BBS4: variants seen among roughly 807,000 people sequenced by gnomAD.
The protein encoded by BBS4 is BBSome complex member BBS4.
BBS4 carries 58 observed loss-of-function variants against 71.4 expected under a neutral mutation model. The ratio of observed to expected loss-of-function variants is 0.81; its 90% CI spans 0.66 to 1.01. The LOEUF (loss-of-function observed/expected upper bound fraction) is 1.01, where lower values mean the gene tolerates loss of function less well. Ranked by LOEUF, BBS4 falls within the 50% of genes least tolerant of loss-of-function variation. The pLI, the probability that BBS4 is intolerant of heterozygous loss-of-function variation, is 0.00. For synonymous variants in BBS4, 228 were observed against 216.8 expected, an observed-to-expected ratio of 1.05 and a Z score of -0.46; for missense variants, 660 against 607.9, an observed-to-expected ratio of 1.09 and a Z score of -0.90.
intron 2 of BBS4, among the ~76,000 whole-genome samples, chr15:72,700,818 G>A (rs2065156849): frequency 6.6e-6 from 1 of 151,914 alleles, no homozygotes; most frequent in Admixed American, 6.6e-5. Flanking sequence ...TGTTATTAAT[G>A]CCTTCTCTGT....
intron 2 of BBS4, among the ~76,000 whole-genome samples, chr15:72,707,990 C>T (rs1364459095): frequency 6.1e-5 from 9 of 147,336 alleles, no homozygotes; most frequent in African/African-American, 1.5e-4. Flanking sequence ...TTTTTTGAGA[C>T]GGAGTCTCAC....
At chr15:72,732,231 G>A (rs1217738954) in intron 12 of BBS4, among the ~76,000 whole-genome samples, 2 of 152,076 alleles carry the variant, frequency 1.3e-5, no homozygotes, top group African/African-American at 4.8e-5. Context: ...CAATATTGTT[G>A]TTACTATAAT....
At chr15:72,713,489 TCTGGAATACCTC>T (rs1251662817) in intron 4 of BBS4, among the ~76,000 whole-genome samples, 2 of 152,208 alleles carry the variant, frequency 1.3e-5, no homozygotes, top group East Asian at 3.8e-4. Context: ...AGGAATACCT[TCTGGAATACCTC>T]CTGAAGGATC....
chr15:72,702,193 G>A (rs915243195), intron 2 of BBS4, among the ~76,000 whole-genome samples: 1 of 152,148 alleles, frequency 6.6e-6, no homozygotes, highest in African/African-American at 2.4e-5. Context: ...CTAATTGACA[G>A]CCCAAACATT....
At chr15:72,721,501 CTTAAG>C (rs1174898435) in intron 6 of BBS4, among the ~76,000 whole-genome samples, 2 of 152,144 alleles carry the variant, frequency 1.3e-5, no homozygotes, top group African/African-American at 4.8e-5. Context: ...TACTCTCTGT[CTTAAG>C]TTAGGTAATC....
chr15:72,734,729 T>C (rs760824285), intron 12 of BBS4, among the ~76,000 whole-genome samples: 7 of 152,070 alleles, frequency 4.6e-5, no homozygotes, highest in Non-Finnish European at 8.8e-5. Flanking sequence ...ATCATGGTTA[T>C]AGATGTGGGG....
At chr15:72,737,358 T>C (rs2065946195) in intron 15 of BBS4, 120 bp from the exon 16 acceptor site, 1 of 829,300 alleles carries the variant, frequency 1.2e-6, no homozygotes. Context: ...TTATAGTTAA[T>C]GGGTCAGTCC....
At chr15:72,688,044 C>T (rs1307866617) in intron 1 of BBS4, among the ~76,000 whole-genome samples, 1 of 124,768 alleles carries the variant, frequency 8.0e-6, no homozygotes, top group African/African-American at 3.0e-5. Flanking sequence ...AAGACTCCGT[C>T]TCAAAAAAAA....
At position 72,729,969 on chromosome 15, in the gene BBS4, A is replaced by G. The variant is rs567106633; in HGVS notation, c.711+285A>G. ...TACTTAGGAAATTAGCAATGCCTCC[A>G]CAACTATTGTCAAAAATAAATCTGC... On this transcript the variant is annotated intron_variant, in intron 10 of 15. Transcript: ENST00000268057. 2.0e-5 allele frequency among the ~76,000 whole-genome samples: 3 copies of G among 152,328 alleles called. No homozygotes were observed. In the East Asian group the frequency reaches 5.8e-4, roughly 29 times the overall value.
rs902205661 is a variant in BBS4, at chr15:72,737,789, T to C, written c.*202T>C. 46 of 604,166 alleles carry C rather than the reference T, an allele frequency of 7.6e-5. No individual in the cohort carries two copies. Among genetic ancestry groups the C allele is most frequent in the Middle Eastern group, 4.4e-4 (1 of 2,256 alleles). The allele number at this position is 604,166 out of a possible 1,614,324, so 37.4% of individuals were successfully genotyped here. ...AGGTCGGAAACCCTCTACTGCCCCA[T>C]AAGCCAGGAAAAGTGAAAAGAGAAC... On this transcript the variant is annotated 3_prime_UTR_variant, in exon 16 of 16. Transcript: ENST00000268057.
chr15:72,733,293 CTCTT>C (rs749931523), intron 12 of BBS4, among the ~76,000 whole-genome samples: 12 of 152,118 alleles, frequency 7.9e-5, no homozygotes, highest in South Asian at 4.2e-4. Context: ...CCATTCCTCT[CTCTT>C]TTTTTAAAAA....
chr15:72,737,144 A>G (rs2065942377), intron 15 of BBS4, 181 bp downstream of exon 15: 3 of 731,102 alleles, frequency 4.1e-6, no homozygotes, highest in Middle Eastern at 3.8e-4. Flanking sequence ...AAGGCGAGCT[A>G]TGTAGTAGGT....
rs1172500086 is a variant in BBS4, at chr15:72,722,718, A to G, written c.406-76A>G. 7 of 1,330,774 alleles carry G rather than the reference A, an allele frequency of 5.3e-6. No individual in the cohort carries two copies. The Admixed American group carries it at 8.4e-5, about 16-fold the overall frequency. 82.4% of individuals were successfully genotyped at this position (1,330,774 alleles called of 1,614,324 possible). A position where few individuals can be genotyped will look rare whatever the true frequency, so the allele number is the denominator to read the frequency against. The stretch of plus-strand genomic sequence containing the variant: ...ACCTTGCCGAGCAATAACAATCTCT[A>G]GATGTCTGTTGTTTCACTCTAATAC... On this transcript the variant is annotated intron_variant, in intron 6 of 15. Transcript: ENST00000268057.
intron 1 of BBS4, chr15:72,686,730 C>T: frequency 2.2e-6 from 1 of 456,920 alleles, no homozygotes; most frequent in Non-Finnish European, 3.8e-6. Context: ...CATCTGAAGG[C>T]TGAGTTGGGC....
chr15:72,732,411 A>C (rs1411048065), intron 12 of BBS4, among the ~76,000 whole-genome samples: 1 of 152,240 alleles, frequency 6.6e-6, no homozygotes, highest in Non-Finnish European at 1.5e-5. Context: ...TTTAACAATT[A>C]TGCACAACCA....
intron 1 of BBS4, among the ~76,000 whole-genome samples, chr15:72,688,650 G>A (rs746675675): frequency 2.6e-5 from 4 of 152,032 alleles, no homozygotes; most frequent in South Asian, 4.1e-4. Flanking sequence ...TGATCTGCAC[G>A]CCTCGGTCTC....
At chr15:72,686,660 T>G (rs949351427) in intron 1 of BBS4, 3 of 972,030 alleles carry the variant, frequency 3.1e-6, no homozygotes, top group African/African-American at 3.4e-5. Context: ...CTTCTGCCAG[T>G]GGAGCGGGAC....
chr15:72,733,423 A>C (rs1567431549), intron 12 of BBS4, among the ~76,000 whole-genome samples: 1 of 151,352 alleles, frequency 6.6e-6, no homozygotes, highest in African/African-American at 2.4e-5. Flanking sequence ...CCCAATAGTT[A>C]TTTTTTTCTG....
At chr15:72,717,471 A>G (rs2065487751) in intron 6 of BBS4, 1 of 152,684 alleles carries the variant, frequency 6.5e-6, no homozygotes, top group Non-Finnish European at 1.5e-5. Context: ...TCATGGTTAC[A>G]AGAAGACTGC....
Sources: allele counts gnomAD v4.1 joint callset (sites outside exome capture counted in the v4.1 genomes callset), GRCh38; gene constraint gnomAD v4.1.1; transcripts MANE v1.5; gene names NCBI Gene and HGNC (gene_info 2026-07-23, HGNC 2026-07-21).